HDC: variants seen among roughly 807,000 people sequenced by gnomAD.
HDC encodes the protein histidine decarboxylase.
HDC carries 27 observed loss-of-function variants against 64.4 expected under a neutral mutation model. The observed-to-expected ratio is 0.42, with a 90% CI of 0.31 to 0.58. The LOEUF (loss-of-function observed/expected upper bound fraction) is 0.58. HDC is among the 20% of genes least tolerant of loss of function. The probability of loss-of-function intolerance (pLI) is 0.16; values close to 1 mark genes in which losing one functional copy is unlikely to be tolerated. For missense variants in HDC, 711 were observed against 833.9 expected (o/e 0.85, Z 1.81); for synonymous variants, 305 against 314.2 (o/e 0.97, Z 0.31).
At position 50,242,646 on chromosome 15, in the gene HDC, T is replaced by C. The variant is rs1040792124; in HGVS notation, c.1603A>G (p.Lys535Glu). ...TCAAGATGGAGGCCATTTTCCCTTT[T>C]CATGGGACCGGCTCCCACACGCTGA... ...QPQRVGAGPM[K>E]RENGLHLETL... The change falls in exon 12 of 12, where the codon AAA (lysine) becomes GAA (glutamate). Residue 535 changes from lysine to glutamate, a missense_variant. Coordinates refer to ENST00000267845, the MANE Select transcript of HDC (RefSeq NM_002112.4). 1.2e-6 allele frequency: 2 copies of C among 1,614,034 alleles called. No homozygotes were observed. The highest frequency in any genetic ancestry group is 1.3e-5 in the African/African-American group (1 of 74,888).
Position 50,248,508 on chromosome 15 carries a change from G to A in HDC, c.1042-165C>T, listed in dbSNP as rs1257994695. On this transcript the variant is annotated intron_variant, in intron 9 of 11. Coordinates refer to ENST00000267845, the MANE Select transcript of HDC (RefSeq NM_002112.4). The surrounding 1 kb of genome is among the most constrained non-coding windows in gnomAD (Gnocchi z 4.3). ...GAGTAAGCCAAGCTCCCCAAGGGTT[G>A]CCCCATCGTGTGACCAAATCACTGA... Among the ~76,000 whole-genome samples, 1 of 152,050 alleles carries A rather than the reference G, an allele frequency of 6.6e-6. No homozygotes were observed.
chr15:50,246,526 G>A (rs1375670768), intron 10 of HDC, among the ~76,000 whole-genome samples: 1 of 152,222 alleles, frequency 6.6e-6, no homozygotes, highest in Non-Finnish European at 1.5e-5. Flanking sequence ...GGACACGGGT[G>A]AAGGTGCAGA....
At position 50,254,382 on chromosome 15, in the gene HDC, G is replaced by T. The variant is rs979555985; in HGVS notation, c.577-109C>A. On this transcript the variant is annotated intron_variant, in intron 5 of 11. Coordinates refer to ENST00000267845, the MANE Select transcript of HDC (RefSeq NM_002112.4). ...AACCAAATATGATCATTGGAAGCTT[G>T]TCTTCCCTACAGTTGCTGGAGACAA... The T allele has an allele frequency of 6.5e-6, 10 of 1,528,376 alleles. No individual in the cohort carries two copies. The African/African-American group carries it at 1.2e-4, about 19-fold the overall frequency. 94.7% of individuals were successfully genotyped at this position (1,528,376 alleles called of 1,614,324 possible). A position where few individuals can be genotyped will look rare whatever the true frequency, so the allele number is the denominator to read the frequency against.
intron 1 of HDC, among the ~76,000 whole-genome samples, chr15:50,264,014 A>T (rs1197521139): frequency 1.3e-5 from 2 of 152,076 alleles, no homozygotes. Context: ...TGTCTCTCCT[A>T]CCTTTCTTTC....
Position 50,242,932 on chromosome 15 carries a change from A to C in HDC, c.1317T>G (p.Thr439=). ...AACGGATGATTAACTTGTCCTGGAT[A>C]GTGGCCGGGATGAGGAAGAGACGGC... The part of the protein sequence containing the change: ...KAGRLFLIPA[T]IQDKLIIRFT... Residue 439 remains threonine, a synonymous_variant, in exon 12 of 12, where the codon ACT becomes ACG. Coordinates refer to ENST00000267845, the MANE Select transcript of HDC (RefSeq NM_002112.4). 4.3e-6 allele frequency: 7 copies of C among 1,614,126 alleles called. No homozygotes were observed. The highest frequency in any genetic ancestry group is 5.1e-6 in the Non-Finnish European group (6 of 1,179,980).
intron 4 of HDC, 72 bp downstream of exon 4, chr15:50,257,353 G>A (rs1185759774): frequency 6.3e-7 from 1 of 1,595,112 alleles, no homozygotes; most frequent in Admixed American, 1.7e-5. Context: ...CGGGAGAATT[G>A]CCAGGTTAGG....
rs913474115 is a variant in HDC at position 50,242,103 on chromosome 15, T to A, written c.*157A>T. On this transcript the variant is annotated 3_prime_UTR_variant, in exon 12 of 12. Coordinates refer to ENST00000267845, the MANE Select transcript of HDC (RefSeq NM_002112.4). ...GCTTAAACTCTTCGTTTGTATCCTATTGTGGGTCATGAACCCCTATGAGAA... is the reference window on the plus strand; with the variant it reads ...GCTTAAACTCTTCGTTTGTATCCTAATGTGGGTCATGAACCCCTATGAGAA... 2.8e-6 allele frequency: 2 copies of A among 723,296 alleles called. No homozygotes were observed. Among genetic ancestry groups the A allele is most frequent in the Non-Finnish European group, 4.9e-6 (2 of 409,916 alleles). The allele number at this position is 723,296 out of a possible 1,614,324, so 44.8% of individuals were successfully genotyped here.
In HDC at chr15:50,265,722, C is replaced by A; in HGVS notation, c.-99G>T. On this transcript the variant is annotated 5_prime_UTR_variant, in exon 1 of 12. Transcript: ENST00000267845. ...CGGCTTCCCTCTTGCCAGTCCTGCG[C>A]ACTCCCTGGCAGCCAGTGTGGGCCC... 1 of 1,056,400 alleles carries A rather than the reference C, an allele frequency of 9.5e-7. No homozygotes were observed. Among genetic ancestry groups the A allele is most frequent in the Non-Finnish European group, 1.5e-6 (1 of 679,906 alleles). The allele number at this position is 1,056,400 out of a possible 1,614,324, so 65.4% of individuals were successfully genotyped here.
At position 50,252,838 on chromosome 15, in the gene HDC, T is replaced by C. The variant is rs143247208; in HGVS notation, c.788-64A>G. ...GAAGTGGGGAAAGATGTCTCGCACC[T>C]GGCCAAGCTGAGTGGTGGGCTGCAA... On this transcript the variant is annotated intron_variant, in intron 7 of 11. Transcript: ENST00000267845. The C allele has an allele frequency of 8.0e-4, 1,216 of 1,512,654 alleles. 5 individuals carry two copies. The African/African-American group carries it at 0.015, about 19-fold the overall frequency. The allele number at this position is 1,512,654 out of a possible 1,614,324, so 93.7% of individuals were successfully genotyped here. A position where few individuals can be genotyped will look rare whatever the true frequency, so the allele number is the denominator to read the frequency against.
In HDC at chr15:50,244,647, A is replaced by C. The variant is rs185691811; in HGVS notation, c.1141-1403T>G. 871 of 152,128 alleles carry C rather than the reference A, an allele frequency of 5.7e-3. 4 individuals carry two copies. Among genetic ancestry groups the C allele is most frequent in the Non-Finnish European group, 8.4e-3 (569 of 68,042 alleles). The allele number at this position is 152,128 out of a possible 1,614,324, so 9.4% of individuals were successfully genotyped here. A position where few individuals can be genotyped will look rare whatever the true frequency, so the allele number is the denominator to read the frequency against. The stretch of plus-strand genomic sequence containing the variant: ...ACCATAATGAAATGAGTTTCTCCAA[A>C]TCTTTCTCAGAGCCCCTTTCTCCCC... On this transcript the variant is annotated intron_variant, in intron 10 of 11. Coordinates refer to ENST00000267845, the MANE Select transcript of HDC (RefSeq NM_002112.4).
rs1452984566 is a variant in HDC, at chr15:50,254,520, G to A, written c.576+10C>T. On this transcript the variant is annotated intron_variant, in intron 5 of 11. Transcript: ENST00000267845. ...CAACCCGAAGGGCTGTCCTGCGTCG[G>A]GCAACTCACCTGGTCAGAGGCATAG... is the stretch of plus-strand genomic sequence containing the variant. 2 of 1,614,158 alleles carry A rather than the reference G, an allele frequency of 1.2e-6. No individual in the cohort carries two copies. The highest frequency in any genetic ancestry group is 2.2e-5 in the East Asian group (1 of 44,882).
rs1436118461 is a variant in HDC, at chr15:50,243,221, A to G, written c.1164T>C (p.Phe388=). 1.9e-6 allele frequency: 3 copies of G among 1,613,102 alleles called. No homozygotes were observed. Among genetic ancestry groups the G allele is most frequent in the African/African-American group, 2.7e-5 (2 of 74,932 alleles). The change falls in exon 11 of 12, where the codon TTT becomes TTC. Residue 388 remains phenylalanine (F), a synonymous_variant. Coordinates refer to ENST00000267845, the MANE Select transcript of HDC (RefSeq NM_002112.4). The stretch of plus-strand genomic sequence containing the variant: ...AAGGGTCGTTTCTGACCAGAGATTC[A>G]AAATATTTAGCCATTTCAGTACCCT... ...VRHGTEMAKY[F]ESLVRNDPSF...
intron 2 of HDC, among the ~76,000 whole-genome samples, chr15:50,260,963 C>T (rs2045695603): frequency 1.3e-5 from 2 of 152,222 alleles, no homozygotes; most frequent in South Asian, 4.2e-4. Flanking sequence ...ATTCAGTTTT[C>T]AATGAGGCAC....
chr15:50,262,343 C>CA (rs1245168563), intron 2 of HDC, among the ~76,000 whole-genome samples: 7 of 152,312 alleles, frequency 4.6e-5, no homozygotes, highest in Non-Finnish European at 1.5e-5. Context: ...TGAGCATCAG[C>CA]AGTTTCCTCA....
intron 10 of HDC, among the ~76,000 whole-genome samples, chr15:50,246,204 T>C (rs1453352448): frequency 1.3e-5 from 2 of 152,224 alleles, no homozygotes; most frequent in African/African-American, 2.4e-5. Context: ...GGCACTGTGC[T>C]AAGGATCTAA....
chr15:50,245,601 T>C (rs1043230877), intron 10 of HDC, among the ~76,000 whole-genome samples: 2 of 152,106 alleles, frequency 1.3e-5, no homozygotes, highest in African/African-American at 4.8e-5. Flanking sequence ...TTTTTATAAA[T>C]TAGGAAGGCA....
chr15:50,252,325 T>A, intron 9 of HDC, 105 bp downstream of exon 9: 1 of 824,962 alleles, frequency 1.2e-6, no homozygotes, highest in Non-Finnish European at 2.1e-6. Context: ...GCTCATAGTG[T>A]GCTGCCTTCT....
chr15:50,243,246 T>C lies in HDC; in HGVS notation c.1141-2A>G, dbSNP rs1351836361. The C allele has an allele frequency of 1.9e-6, 3 of 1,574,730 alleles. No individual in the cohort carries two copies. Among genetic ancestry groups the C allele is most frequent in the Admixed American group, 3.3e-5 (2 of 59,992 alleles). Reference sequence around the variant, plus strand: ...AAAATATTTAGCCATTTCAGTACCCTGGAATTGCAAGTATAAAGAGAACTG... The same window carrying C: ...AAAATATTTAGCCATTTCAGTACCCCGGAATTGCAAGTATAAAGAGAACTG... On this transcript the variant is annotated splice_acceptor_variant, in intron 10 of 11. Coordinates refer to ENST00000267845, the MANE Select transcript of HDC (RefSeq NM_002112.4). LOFTEE classifies it high-confidence loss of function.
In HDC at chr15:50,252,447, C is replaced by T. The variant is rs763843865; in HGVS notation, c.1024G>A (p.Val342Met). Reference protein sequence around the residue: ...PIYLRHANSGVATDFMHWQIP... With the variant: ...PIYLRHANSGMATDFMHWQIP... ...CCACTCACCATGAAGTCGGTGGCCA[C>T]GCCTGAGTTGGCATGCCTGAGGTAG... The change falls in exon 9 of 12, where the codon GTG (valine) becomes ATG (methionine). Residue 342 changes from valine (V) to methionine (M), a missense_variant. Physicochemically the swap from Val to Met is conservative, Grantham distance 21. Around this residue, in one of 3 missense-constraint regions of HDC, gnomAD observed 483 missense variants for 540.9 expected, o/e 0.89. Transcript: ENST00000267845. The T allele has an allele frequency of 3.1e-6, 5 of 1,614,024 alleles. No individual in the cohort carries two copies. The highest frequency in any genetic ancestry group is 2.2e-5 in the East Asian group (1 of 44,890).
Sources: gnomAD v4.1 joint callset for allele counts (sites outside exome capture counted in the v4.1 genomes callset) on GRCh38, gnomAD v4.1.1 for gene constraint, gnomAD v4.1.1 regional missense constraint, Gnocchi (gnomAD v3.1) non-coding constraint, MANE v1.5 for transcripts, NCBI Gene and HGNC (gene_info 2026-07-23, HGNC 2026-07-21) for gene names.